The following RUSC2 variants were observed in gnomAD, a reference collection of about 807,000 sequenced individuals.
RUSC2 encodes the protein RUN and SH3 domain containing 2.
Under a neutral mutation model 122.2 loss-of-function variants are expected in RUSC2, and 34 were observed. That is an observed-to-expected ratio of 0.28 (90% CI 0.21 to 0.37). RUSC2 has a LOEUF of 0.37. RUSC2 is among the 10% of genes least tolerant of loss of function. The pLI is 1.00. For synonymous variants in RUSC2, 784 were observed against 790.0 expected (o/e 0.99, Z 0.13); for missense variants, 1,747 against 1,952.4 (o/e 0.89, Z 1.98).
chr9:35,511,371 T>C (rs2132505714), intron 1 of RUSC2, among the ~76,000 whole-genome samples: 1 of 152,192 alleles, frequency 6.6e-6, no homozygotes, highest in East Asian at 1.9e-4. Flanking sequence ...GGGAGCGCAT[T>C]GCCAGATATG....
chr9:35,558,639 A>G lies in RUSC2; in HGVS notation c.3341+72A>G, dbSNP rs1174251007. On this transcript the variant is annotated intron_variant, in intron 8 of 11. Coordinates refer to ENST00000361226, the MANE Select transcript of RUSC2 (RefSeq NM_014806.5). The surrounding 1 kb of genome is among the most constrained non-coding windows in gnomAD (Gnocchi z 4.3). ...CCCACCCCCGGGCTCTGCCTGCACC[A>G]AGGAAACAACGCCCTGGACAGACAG... The G allele has an allele frequency of 4.7e-6, 6 of 1,274,860 alleles. No homozygotes were observed. The highest frequency in any genetic ancestry group is 6.9e-6 in the Non-Finnish European group (6 of 874,418). 79.0% of individuals were successfully genotyped at this position (1,274,860 alleles called of 1,614,324 possible).
chr9:35,554,916 T>C, intron 2 of RUSC2, 144 bp from the exon 3 acceptor site: 1 of 834,218 alleles, frequency 1.2e-6, no homozygotes, highest in Non-Finnish European at 1.9e-6. Context: ...GGGAGCAGTG[T>C]CCCATTCCAC....
intron 1 of RUSC2, among the ~76,000 whole-genome samples, chr9:35,496,620 A>C (rs889317933): frequency 6.6e-6 from 1 of 152,166 alleles, no homozygotes; most frequent in Admixed American, 6.5e-5. Flanking sequence ...AAGAGTTGTT[A>C]TGAATGTAAC....
At chr9:35,496,101 T>C (rs1170260622) in intron 1 of RUSC2, among the ~76,000 whole-genome samples, 1 of 152,002 alleles carries the variant, frequency 6.6e-6, no homozygotes, top group Non-Finnish European at 1.5e-5. Flanking sequence ...GAGTCAGTGG[T>C]TGAGTAAGCA....
chr9:35,512,189 G>GA (rs5897604), intron 1 of RUSC2, among the ~76,000 whole-genome samples: 12 of 148,520 alleles, frequency 8.1e-5, no homozygotes, highest in East Asian at 5.9e-4. Flanking sequence ...CTCAAAAAAA[G>GA]AAAAAAAAAA....
At chr9:35,518,741 C>T (rs1821154955) in intron 1 of RUSC2, among the ~76,000 whole-genome samples, 1 of 152,142 alleles carries the variant, frequency 6.6e-6, no homozygotes, top group Admixed American at 6.6e-5. Context: ...CTATACAGAT[C>T]GGTTGAGGAC....
At chr9:35,537,480 ACT>A (rs1821553933) in intron 1 of RUSC2, among the ~76,000 whole-genome samples, 1 of 151,892 alleles carries the variant, frequency 6.6e-6, no homozygotes, top group African/African-American at 2.4e-5. Context: ...TCCTTTCCTC[ACT>A]GTTTCTTGCT....
intron 1 of RUSC2, among the ~76,000 whole-genome samples, chr9:35,515,139 A>G (rs1821079603): frequency 6.6e-6 from 1 of 152,376 alleles, no homozygotes. Context: ...TTGTTTACAA[A>G]ATAACAGCTC....
At chr9:35,513,743 G>A (rs1331735534) in intron 1 of RUSC2, among the ~76,000 whole-genome samples, 2 of 150,410 alleles carry the variant, frequency 1.3e-5, no homozygotes, top group Non-Finnish European at 3.0e-5. Context: ...CAGGTGCAGT[G>A]GCTCATGCCT....
chr9:35,553,497 G>T (rs1821942980), intron 2 of RUSC2, among the ~76,000 whole-genome samples: 1 of 152,216 alleles, frequency 6.6e-6, no homozygotes, highest in African/African-American at 2.4e-5. Context: ...TTGCTGGAAA[G>T]TTCAACAATG....
At chr9:35,553,632 G>A (rs1159954661) in intron 2 of RUSC2, among the ~76,000 whole-genome samples, 1 of 152,206 alleles carries the variant, frequency 6.6e-6, no homozygotes, top group East Asian at 1.9e-4. Context: ...AGAAGATTCA[G>A]ACAGAAAGAA....
At chr9:35,559,484 C>G (rs1179786344) in intron 9 of RUSC2, among the ~76,000 whole-genome samples, 2 of 152,196 alleles carry the variant, frequency 1.3e-5, no homozygotes, top group Admixed American at 6.5e-5. Flanking sequence ...CCTGTAATCC[C>G]AGCACTTTGG....
chr9:35,561,725 A>AGAT lies in RUSC2; in HGVS notation c.*346_*348dup. 3.8e-6 allele frequency: 2 copies of AGAT among 531,548 alleles called. No individual in the cohort carries two copies. Among genetic ancestry groups the AGAT allele is most frequent in the Non-Finnish European group, 6.6e-6 (2 of 301,682 alleles). The allele number at this position is 531,548 out of a possible 1,614,324, so 32.9% of individuals were successfully genotyped here. A position where few individuals can be genotyped will look rare whatever the true frequency, so the allele number is the denominator to read the frequency against. On this transcript the variant is annotated 3_prime_UTR_variant, in exon 12 of 12. Transcript: ENST00000361226. ...CTACAGGGTTCCCTAGGCCAGGTGG[A>AGAT]GATGAGGATGGGTAACAGTATTGGG...
intron 1 of RUSC2, among the ~76,000 whole-genome samples, chr9:35,495,269 T>A (rs1587832289): frequency 8.5e-6 from 1 of 117,870 alleles, no homozygotes; most frequent in African/African-American, 3.1e-5. Context: ...ATATATTTTT[T>A]ATATATTATA....
chr9:35,539,594 G>A (rs377392681), intron 1 of RUSC2, among the ~76,000 whole-genome samples: 1 of 151,888 alleles, frequency 6.6e-6, no homozygotes, highest in Admixed American at 6.6e-5. Context: ...CATGCACATA[G>A]CTATACATGC....
chr9:35,555,968 T>A lies in RUSC2; in HGVS notation c.2673T>A (p.Pro891=), dbSNP rs1446732319. Residue 891 remains proline (P), a synonymous_variant, in exon 4 of 12, where the codon CCT becomes CCA. Transcript: ENST00000361226. The surrounding 1 kb of genome is among the most constrained non-coding windows in gnomAD (Gnocchi z 4.6). ...TGCTTCCAGCCAACCACCTATCCCC[T>A]CAAGCCCTCAAGTGGCGGGAATACA... ...TRPSNANHLS[P]QALKWREYRR... 1 of 1,614,138 alleles carries A rather than the reference T, an allele frequency of 6.2e-7. No homozygotes were observed. The highest frequency in any genetic ancestry group is 1.7e-5 in the Admixed American group (1 of 60,024).
intron 1 of RUSC2, among the ~76,000 whole-genome samples, chr9:35,513,903 C>CATCTAT (rs1821054929): frequency 9.6e-6 from 1 of 104,236 alleles, no homozygotes; most frequent in Non-Finnish European, 1.9e-5. Flanking sequence ...CTTCAACAAA[C>CATCTAT]ATATATATAT....
chr9:35,500,462 CACTT>C (rs1389924151), intron 1 of RUSC2, among the ~76,000 whole-genome samples: 2 of 152,188 alleles, frequency 1.3e-5, no homozygotes, highest in Non-Finnish European at 2.9e-5. Context: ...CAGACCATAT[CACTT>C]ACTTATCTAT....
intron 1 of RUSC2, among the ~76,000 whole-genome samples, chr9:35,524,355 G>GTAGCTAGGACC (rs1412163705): frequency 6.6e-6 from 1 of 152,168 alleles, no homozygotes; most frequent in Admixed American, 6.6e-5. Flanking sequence ...GTAAATAACT[G>GTAGCTAGGACC]ATTCAGATGA....
Sources: gnomAD v4.1 joint callset for allele counts (sites outside exome capture counted in the v4.1 genomes callset) on GRCh38, gnomAD v4.1.1 for gene constraint, Gnocchi (gnomAD v3.1) non-coding constraint, MANE v1.5 for transcripts, NCBI Gene and HGNC (gene_info 2026-07-23, HGNC 2026-07-21) for gene names.